Variants in PDGFD observed in about 807,000 individuals in gnomAD.
PDGFD encodes the protein platelet derived growth factor D.
Under a neutral mutation model 44.7 loss-of-function variants are expected in PDGFD, and 30 were observed. The ratio of observed to expected loss-of-function variants is 0.67; its 90% CI spans 0.50 to 0.91. The LOEUF (loss-of-function observed/expected upper bound fraction) is 0.91. Ranked by LOEUF, PDGFD falls within the 40% of genes least tolerant of loss-of-function variation. The pLI is 0.00. For missense variants in PDGFD, 445 were observed against 457.8 expected, an observed-to-expected ratio of 0.97 and a Z score of 0.25; for synonymous variants, 173 against 168.4, an observed-to-expected ratio of 1.03 and a Z score of -0.21.
intron 1 of PDGFD, among the ~76,000 whole-genome samples, chr11:104,092,678 GTAAT>G (rs1861228112): frequency 6.6e-6 from 1 of 152,152 alleles, no homozygotes; most frequent in Admixed American, 6.5e-5. Flanking sequence ...ACATGGATAA[GTAAT>G]TATCATAATT....
Position 104,047,206 on chromosome 11 carries a change from T to G in PDGFD, c.125-46951A>C, listed in dbSNP as rs1022261333. On this transcript the variant is annotated intron_variant, in intron 1 of 6. Coordinates refer to ENST00000393158, the MANE Select transcript of PDGFD (RefSeq NM_025208.5). ...AACAGTGCTGCAATAAACATACGTG[T>G]GCATGTATCTTTATACTAGAATAAT... Among the ~76,000 whole-genome samples, 2 of 147,782 alleles carry G rather than the reference T, an allele frequency of 1.4e-5. 1 individual carries two copies. Among genetic ancestry groups the G allele is most frequent in the Non-Finnish European group, 3.0e-5 (2 of 66,126 alleles).
At chr11:104,115,971 T>G (rs925697481) in intron 1 of PDGFD, among the ~76,000 whole-genome samples, 1 of 152,096 alleles carries the variant, frequency 6.6e-6, no homozygotes, top group Non-Finnish European at 1.5e-5. Flanking sequence ...GTGAAGGTTT[T>G]CTCTCACTCT....
chr11:104,159,141 C>A, intron 1 of PDGFD, among the ~76,000 whole-genome samples: 1 of 123,674 alleles, frequency 8.1e-6, no homozygotes, highest in African/African-American at 3.1e-5. Context: ...TGACAAGAGG[C>A]AGACTCCATC....
At position 104,027,020 on chromosome 11, in the gene PDGFD, T is replaced by C. The variant is rs1860051597; in HGVS notation, c.125-26765A>G. Among the ~76,000 whole-genome samples the C allele has an allele frequency of 4.6e-5, 7 of 152,358 alleles. No homozygotes were observed. In the South Asian group the frequency reaches 1.5e-3, roughly 32 times the overall value. On this transcript the variant is annotated intron_variant, in intron 1 of 6. Coordinates refer to ENST00000393158, the MANE Select transcript of PDGFD (RefSeq NM_025208.5). ...CAGATTGTCTTTTCATTGTGTTGTG[T>C]CTGCTTAACAATTCTATAAGCACCT...
chr11:104,119,757 TATATA>T (rs1327692623), intron 1 of PDGFD, among the ~76,000 whole-genome samples: 6 of 109,424 alleles, frequency 5.5e-5, no homozygotes, highest in African/African-American at 1.9e-4. Flanking sequence ...TATATATTTA[TATATA>T]ATATATGATA....
chr11:103,981,430 C>A (rs1565301793), intron 3 of PDGFD, among the ~76,000 whole-genome samples: 1 of 151,666 alleles, frequency 6.6e-6, no homozygotes, highest in East Asian at 1.9e-4. Flanking sequence ...GACTAAGACA[C>A]CCTCCGAAGA....
intron 3 of PDGFD, among the ~76,000 whole-genome samples, chr11:103,969,501 T>C (rs927275752): frequency 7.1e-6 from 1 of 140,340 alleles, no homozygotes; most frequent in African/African-American, 2.7e-5. Context: ...TTTTTTTTCC[T>C]GGAAGTGGTT....
chr11:104,140,326 A>C (rs1414695050), intron 1 of PDGFD, among the ~76,000 whole-genome samples: 9 of 152,178 alleles, frequency 5.9e-5, no homozygotes. Context: ...ACTTTAGCAC[A>C]AAATGCAAAG....
chr11:104,039,204 A>T (rs1244175403), intron 1 of PDGFD: 1 of 166,828 alleles, frequency 6.0e-6, no homozygotes, highest in African/African-American at 2.4e-5. Context: ...CAAGATGTGT[A>T]TGTTTTGATT....
intron 1 of PDGFD, among the ~76,000 whole-genome samples, chr11:104,105,220 G>A (rs941074040): frequency 2.6e-5 from 4 of 152,120 alleles, no homozygotes; most frequent in African/African-American, 9.7e-5. Context: ...GTCTCTGATT[G>A]GAATCTTCTG....
intron 5 of PDGFD, among the ~76,000 whole-genome samples, chr11:103,932,937 A>C (rs1186495636): frequency 6.6e-6 from 1 of 152,140 alleles, no homozygotes; most frequent in Non-Finnish European, 1.5e-5. Flanking sequence ...AGAATTAAGA[A>C]ACTAGGATTT....
chr11:103,973,030 C>A (rs999769755), intron 3 of PDGFD, among the ~76,000 whole-genome samples: 1 of 152,066 alleles, frequency 6.6e-6, no homozygotes, highest in Non-Finnish European at 1.5e-5. Flanking sequence ...AATACAGGAA[C>A]CTTGCTCTTG....
intron 1 of PDGFD, among the ~76,000 whole-genome samples, chr11:104,155,704 C>T (rs780464076): frequency 6.6e-6 from 1 of 152,156 alleles, no homozygotes; most frequent in Non-Finnish European, 1.5e-5. Context: ...GGATTTGTTG[C>T]ATATTGGTTA....
At chr11:103,989,225 C>T (rs921889561) in intron 3 of PDGFD, among the ~76,000 whole-genome samples, 6 of 152,206 alleles carry the variant, frequency 3.9e-5, no homozygotes, top group African/African-American at 1.4e-4. Context: ...AAAGAGAACA[C>T]TAGTTCATCA....
chr11:104,138,376 T>G (rs1358047125), intron 1 of PDGFD, among the ~76,000 whole-genome samples: 1 of 152,230 alleles, frequency 6.6e-6, no homozygotes, highest in Non-Finnish European at 1.5e-5. Context: ...ACTATATAGC[T>G]CATTAAACAG....
chr11:104,119,931 T>C (rs930757802), intron 1 of PDGFD, among the ~76,000 whole-genome samples: 2 of 136,366 alleles, frequency 1.5e-5, no homozygotes, highest in African/African-American at 5.4e-5. Context: ...TATTATATAA[T>C]TAAATTATAT....
intron 5 of PDGFD, among the ~76,000 whole-genome samples, chr11:103,936,830 GTTTT>G (rs11335069): frequency 2.1e-5 from 3 of 143,736 alleles, no homozygotes; most frequent in African/African-American, 7.5e-5. Context: ...TTTGTTTTTT[GTTTT>G]TTTTTTTTAA....
At chr11:104,046,155 A>T (rs535847226) in intron 1 of PDGFD, among the ~76,000 whole-genome samples, 5 of 147,848 alleles carry the variant, frequency 3.4e-5, no homozygotes, top group Admixed American at 2.0e-4. Context: ...AAACAAGGGT[A>T]TATCTGACAG....
chr11:103,973,431 G>A (rs1436245294), intron 3 of PDGFD, among the ~76,000 whole-genome samples: 2 of 151,930 alleles, frequency 1.3e-5, no homozygotes, highest in Non-Finnish European at 2.9e-5. Flanking sequence ...ACAGGCGTGA[G>A]AAAAGTGGTC....
Sources: gnomAD v4.1 joint callset for allele counts (sites outside exome capture counted in the v4.1 genomes callset) on GRCh38, gnomAD v4.1.1 for gene constraint, MANE v1.5 for transcripts, NCBI Gene and HGNC (gene_info 2026-07-23, HGNC 2026-07-21) for gene names.